Variants in BTBD9 observed in about 807,000 individuals in gnomAD.
The protein encoded by BTBD9 is BTB domain containing 9, also known as BTB/POZ domain-containing protein 9.
BTBD9 carries 49 observed loss-of-function variants against 64.3 expected under a neutral mutation model. That is an observed-to-expected ratio of 0.76 (90% CI 0.61 to 0.97). The LOEUF (loss-of-function observed/expected upper bound fraction) is 0.97. BTBD9 is among the 50% of genes least tolerant of loss of function. The probability of loss-of-function intolerance (pLI) is 0.00; values close to 1 mark genes in which losing one functional copy is unlikely to be tolerated. For missense variants in BTBD9, 598 were observed against 762.1 expected (o/e 0.78, Z 2.53); for synonymous variants, 260 against 274.7 (o/e 0.95, Z 0.53).
chr6:38,590,343 C>T (rs1582683188), intron 4 of BTBD9, among the ~76,000 whole-genome samples: 1 of 152,188 alleles, frequency 6.6e-6, no homozygotes, highest in Admixed American at 6.5e-5. Context: ...CATAACAATG[C>T]TAGGAGATAT....
At chr6:38,500,039 C>T (rs1023310178) in intron 6 of BTBD9, among the ~76,000 whole-genome samples, 1 of 152,134 alleles carries the variant, frequency 6.6e-6, no homozygotes, top group African/African-American at 2.4e-5. Context: ...ATAATCATTA[C>T]TACTTGTCTG....
chr6:38,610,519 C>T (rs551875291), intron 1 of BTBD9, among the ~76,000 whole-genome samples: 1 of 152,226 alleles, frequency 6.6e-6, no homozygotes, highest in South Asian at 2.1e-4. Flanking sequence ...AGAGAAGAGA[C>T]AGAAACAAAT....
rs549797093 is a variant in BTBD9 at position 38,302,505 on chromosome 6, A to G, written c.1265-14044T>C. Among the ~76,000 whole-genome samples, 1,174 of 141,746 alleles carry G rather than the reference A, an allele frequency of 8.3e-3. 39 individuals carry two copies. Among genetic ancestry groups the G allele is most frequent in the African/African-American group, 0.025 (984 of 39,084 alleles). 93.0% of individuals were successfully genotyped at this position (141,746 alleles called of 152,430 possible). ...TGTATGTATATATATATATATATAT[A>G]TATATATATATATATATATCACATT... is the stretch of plus-strand genomic sequence containing the variant. On this transcript the variant is annotated intron_variant, in intron 7 of 10. Transcript: ENST00000481247.
At chr6:38,403,125 A>AAAAAAGG (rs1767012954) in intron 6 of BTBD9, among the ~76,000 whole-genome samples, 1 of 152,078 alleles carries the variant, frequency 6.6e-6, no homozygotes, top group Non-Finnish European at 1.5e-5. Flanking sequence ...AAGAAAAAAG[A>AAAAAAGG]AAAGAAGAGA....
chr6:38,498,032 T>C (rs1582529832), intron 6 of BTBD9, among the ~76,000 whole-genome samples: 1 of 152,254 alleles, frequency 6.6e-6, no homozygotes, highest in Non-Finnish European at 1.5e-5. Context: ...TTGAATCTTG[T>C]TGGCTTTATG....
At chr6:38,347,840 T>C (rs1488411536) in intron 6 of BTBD9, among the ~76,000 whole-genome samples, 1 of 152,014 alleles carries the variant, frequency 6.6e-6, no homozygotes, top group Non-Finnish European at 1.5e-5. Flanking sequence ...CTACTAAAAA[T>C]ACAAAAATTA....
chr6:38,245,490 C>T (rs1476552624), intron 9 of BTBD9, among the ~76,000 whole-genome samples: 1 of 152,034 alleles, frequency 6.6e-6, no homozygotes, highest in East Asian at 1.9e-4. Context: ...CAGAGGATGC[C>T]AGGGAGATGG....
At chr6:38,211,948 T>C (rs186684476) in intron 9 of BTBD9, among the ~76,000 whole-genome samples, 3 of 152,316 alleles carry the variant, frequency 2.0e-5, no homozygotes, top group East Asian at 1.9e-4. Flanking sequence ...AGTCCACCAA[T>C]TGACTCTTCT....
chr6:38,497,146 ACT>A (rs1313360009), intron 6 of BTBD9, among the ~76,000 whole-genome samples: 7 of 152,154 alleles, frequency 4.6e-5, no homozygotes, highest in African/African-American at 1.7e-4. Context: ...GGTTTTGGTG[ACT>A]CTCTGAATAT....
intron 6 of BTBD9, among the ~76,000 whole-genome samples, chr6:38,483,042 T>A (rs1771233561): frequency 6.6e-6 from 1 of 151,908 alleles, no homozygotes; most frequent in African/African-American, 2.4e-5. Flanking sequence ...TCTCCTGCAT[T>A]ATCAAATCCT....
chr6:38,224,845 C>T (rs894900540), intron 9 of BTBD9, among the ~76,000 whole-genome samples: 1 of 152,226 alleles, frequency 6.6e-6, no homozygotes. Context: ...TTAGGTAGTA[C>T]TTACATTGTT....
At chr6:38,546,952 C>G (rs949462797) in intron 6 of BTBD9, among the ~76,000 whole-genome samples, 1 of 152,184 alleles carries the variant, frequency 6.6e-6, no homozygotes, top group Admixed American at 6.5e-5. Context: ...CAGGCATGAG[C>G]CACTGCAATC....
At chr6:38,450,470 T>C (rs897613829) in intron 6 of BTBD9, among the ~76,000 whole-genome samples, 3 of 152,180 alleles carry the variant, frequency 2.0e-5, no homozygotes, top group Non-Finnish European at 4.4e-5. Flanking sequence ...GTTAGCTAGA[T>C]CTACTATTCC....
rs142121510 is a variant in BTBD9, at chr6:38,576,137, T to A, written c.1154+1463A>T. Among the ~76,000 whole-genome samples, 408 of 152,260 alleles carry A rather than the reference T, an allele frequency of 2.7e-3. 2 individuals are homozygous for A. Among genetic ancestry groups the A allele is most frequent in the African/African-American group, 9.2e-3 (381 of 41,540 alleles). On this transcript the variant is annotated intron_variant, in intron 6 of 10. Coordinates refer to ENST00000481247, the MANE Select transcript of BTBD9 (RefSeq NM_001099272.2). ...CAAACACACAGTCCTTCAGTCCATA[T>A]CAGACGCTTTGTTATGCTGCCTGTG... is the stretch of plus-strand genomic sequence containing the variant.
chr6:38,592,878 A>G, intron 3 of BTBD9, 38 bp from the exon 4 acceptor site: 1 of 1,603,184 alleles, frequency 6.2e-7, no homozygotes, highest in Non-Finnish European at 8.5e-7. Flanking sequence ...AGTTATATGA[A>G]GTTCAACCAC....
At chr6:38,281,076 ATTAT>A (rs1761496250) in intron 8 of BTBD9, among the ~76,000 whole-genome samples, 1 of 152,186 alleles carries the variant, frequency 6.6e-6, no homozygotes, top group Non-Finnish European at 1.5e-5. Context: ...ATTACAAAAC[ATTAT>A]TTGAGTCATT....
intron 6 of BTBD9, among the ~76,000 whole-genome samples, chr6:38,506,429 G>A (rs2127406074): frequency 6.6e-6 from 1 of 152,350 alleles, no homozygotes; most frequent in Middle Eastern, 3.4e-3. Flanking sequence ...AGATTCGGCT[G>A]TTACCCTCGT....
chr6:38,415,392 T>C (rs964424087), intron 6 of BTBD9, among the ~76,000 whole-genome samples: 5 of 152,124 alleles, frequency 3.3e-5, no homozygotes, highest in Admixed American at 1.3e-4. Context: ...TCAAGGAACA[T>C]GGGTAGCCTC....
chr6:38,300,098 C>T (rs1762327445), intron 7 of BTBD9, among the ~76,000 whole-genome samples: 1 of 152,146 alleles, frequency 6.6e-6, no homozygotes, highest in Admixed American at 6.5e-5. Context: ...TTCCCAGCAC[C>T]ATTTATTAAA....
Sources: allele counts gnomAD v4.1 joint callset (sites outside exome capture counted in the v4.1 genomes callset), GRCh38; gene constraint gnomAD v4.1.1; transcripts MANE v1.5; gene names NCBI Gene and HGNC (gene_info 2026-07-23, HGNC 2026-07-21).